FSTL4: variants seen among roughly 807,000 people sequenced by gnomAD.
FSTL4 encodes follistatin like 4, also known as follistatin-related protein 4.
Under a neutral mutation model 78.2 loss-of-function variants are expected in FSTL4, and 28 were observed. That is an observed-to-expected ratio of 0.36 (90% CI 0.27 to 0.49). The LOEUF is 0.49. Among genes scored for constraint, FSTL4 ranks in the 20% least tolerant of loss-of-function variants. FSTL4 has a pLI of 0.98. For synonymous variants in FSTL4, 422 were observed against 440.5 expected (o/e 0.96, Z 0.53); for missense variants, 922 against 1,084.9 (o/e 0.85, Z 2.11).
intron 14 of FSTL4, among the ~76,000 whole-genome samples, chr5:133,205,909 C>A (rs895989277): frequency 6.6e-6 from 1 of 152,144 alleles, no homozygotes; most frequent in African/African-American, 2.4e-5. Flanking sequence ...GGAAATGAGT[C>A]GGAGTCAGAC....
At chr5:133,242,824 A>C (rs1338068122) in intron 7 of FSTL4, among the ~76,000 whole-genome samples, 1 of 152,244 alleles carries the variant, frequency 6.6e-6, no homozygotes, top group Non-Finnish European at 1.5e-5. Flanking sequence ...ATTTTAAAAC[A>C]AAATGTACCC....
chr5:133,465,458 C>A (rs1337556176), intron 3 of FSTL4, among the ~76,000 whole-genome samples: 1 of 152,246 alleles, frequency 6.6e-6, no homozygotes, highest in East Asian at 1.9e-4. Flanking sequence ...GAGGCCAGGT[C>A]CCATGCCACA....
the FSTL4 span, among the ~76,000 whole-genome samples, chr5:133,767,558 C>A: frequency 6.6e-6 from 1 of 152,108 alleles, no homozygotes; most frequent in Non-Finnish European, 1.5e-5. Context: ...GTTTTTGAGC[C>A]TGGAGGTAGC....
chr5:133,308,340 T>C (rs372714575), intron 6 of FSTL4, among the ~76,000 whole-genome samples: 1 of 152,220 alleles, frequency 6.6e-6, no homozygotes, highest in African/African-American at 2.4e-5. Context: ...GATAAAATTT[T>C]TGATGAACCC....
chr5:133,635,763 C>CA, the FSTL4 span, among the ~76,000 whole-genome samples: 3 of 151,768 alleles, frequency 2.0e-5, no homozygotes, highest in African/African-American at 7.3e-5. Context: ...ACTCCATCTC[C>CA]AAAAAACAAA....
intron 6 of FSTL4, among the ~76,000 whole-genome samples, chr5:133,306,591 C>G (rs755763992): frequency 6.9e-4 from 105 of 152,332 alleles, no homozygotes; most frequent in Non-Finnish European, 1.4e-3. Context: ...GCTTCTCTAC[C>G]AAGGGCTCCA....
intron 6 of FSTL4, among the ~76,000 whole-genome samples, chr5:133,311,571 C>A (rs990337331): frequency 1.8e-4 from 27 of 152,182 alleles, no homozygotes; most frequent in Admixed American, 1.3e-4. Context: ...TCACAAGGAT[C>A]CCTCTTCAGG....
chr5:133,570,411 C>A (rs1315766417), intron 2 of FSTL4, among the ~76,000 whole-genome samples: 2 of 152,114 alleles, frequency 1.3e-5, no homozygotes, highest in East Asian at 3.9e-4. Flanking sequence ...CAACCTCTGC[C>A]TCCCAGGTTC....
At chr5:133,731,571 T>C in the FSTL4 span, among the ~76,000 whole-genome samples, 4 of 152,144 alleles carry the variant, frequency 2.6e-5, no homozygotes, top group Admixed American at 6.5e-5. Context: ...AGTTTACACA[T>C]ATGCAGGAAA....
chr5:133,417,163 T>G (rs765488760), intron 3 of FSTL4, among the ~76,000 whole-genome samples: 1 of 152,192 alleles, frequency 6.6e-6, no homozygotes, highest in Non-Finnish European at 1.5e-5. Context: ...TATGTCTAAG[T>G]CAATCATATT....
At chr5:133,232,684 GT>G (rs1751529145) in intron 8 of FSTL4, among the ~76,000 whole-genome samples, 1 of 152,200 alleles carries the variant, frequency 6.6e-6, no homozygotes, top group African/African-American at 2.4e-5. Flanking sequence ...ACACCCAGCA[GT>G]TGTGTGACCC....
At chr5:133,399,781 C>T (rs1756171358) in intron 4 of FSTL4, among the ~76,000 whole-genome samples, 1 of 152,252 alleles carries the variant, frequency 6.6e-6, no homozygotes, top group African/African-American at 2.4e-5. Flanking sequence ...ACATTCCTGA[C>T]CTCACATAAC....
At chr5:133,706,094 T>G in the FSTL4 span, among the ~76,000 whole-genome samples, 1 of 152,118 alleles carries the variant, frequency 6.6e-6, no homozygotes, top group Non-Finnish European at 1.5e-5. Flanking sequence ...AGGAAGGAGG[T>G]GAGCACAGAA....
intron 4 of FSTL4, among the ~76,000 whole-genome samples, chr5:133,369,954 G>A (rs533060940): frequency 4.4e-4 from 66 of 151,690 alleles, no homozygotes; most frequent in African/African-American, 1.4e-3. Flanking sequence ...CCAGTGAGGC[G>A]CTGCTGATTT....
In FSTL4 at chr5:133,611,716, TC is replaced by T. The variant is rs1460212650; in HGVS notation, c.-11+608del. Among the ~76,000 whole-genome samples, 3 of 152,038 alleles carry T rather than the reference TC, an allele frequency of 2.0e-5. No individual in the cohort carries two copies. The highest frequency in any genetic ancestry group is 4.4e-5 in the Non-Finnish European group (3 of 67,984). On this transcript the variant is annotated intron_variant, in intron 1 of 15. Transcript: ENST00000265342. The surrounding 1 kb of genome is among the most constrained non-coding windows in gnomAD (Gnocchi z 4.9). ...GTCGGGTCGTGCCCTGATTCCTTCCTCCCCAGCCTCACATGCGGCGGACCCC... is the reference window on the plus strand; with the variant it reads ...GTCGGGTCGTGCCCTGATTCCTTCCTCCCAGCCTCACATGCGGCGGACCCC...
chr5:133,774,426 G>A, the FSTL4 span, among the ~76,000 whole-genome samples: 43 of 152,252 alleles, frequency 2.8e-4, no homozygotes, highest in Non-Finnish European at 5.6e-4. Flanking sequence ...TAAAGATGCT[G>A]TAAACGTCCT....
At chr5:133,700,879 T>A in the FSTL4 span, among the ~76,000 whole-genome samples, 1 of 152,222 alleles carries the variant, frequency 6.6e-6, no homozygotes, top group East Asian at 1.9e-4. Flanking sequence ...ATTTGGAAGT[T>A]CCATAGGACT....
intron 3 of FSTL4, among the ~76,000 whole-genome samples, chr5:133,565,254 T>G (rs952609992): frequency 1.3e-5 from 2 of 152,246 alleles, no homozygotes; most frequent in Non-Finnish European, 2.9e-5. Context: ...AATAGTTTAC[T>G]GAAGCACCAT....
At chr5:133,679,768 T>C in the FSTL4 span, among the ~76,000 whole-genome samples, 1 of 152,110 alleles carries the variant, frequency 6.6e-6, no homozygotes, top group Non-Finnish European at 1.5e-5. Context: ...GGCCTCCTGC[T>C]TGTTCCTTAG....
Sources: gnomAD v4.1 joint callset for allele counts (sites outside exome capture counted in the v4.1 genomes callset) on GRCh38, gnomAD v4.1.1 for gene constraint, Gnocchi (gnomAD v3.1) non-coding constraint, MANE v1.5 for transcripts, NCBI Gene and HGNC (gene_info 2026-07-23, HGNC 2026-07-21) for gene names.